KCNIP4: variants seen among roughly 807,000 people sequenced by gnomAD.
The protein encoded by KCNIP4 is potassium voltage-gated channel interacting protein 4, also known as Kv channel-interacting protein 4.
KCNIP4 carries 12 observed loss-of-function variants against 34.0 expected under a neutral mutation model. The ratio of observed to expected loss-of-function variants is 0.35; its 90% CI spans 0.23 to 0.57. The LOEUF (loss-of-function observed/expected upper bound fraction) is 0.57, where lower values mean the gene tolerates loss of function less well. Ranked by LOEUF, KCNIP4 falls within the 20% of genes least tolerant of loss-of-function variation. KCNIP4 has a pLI of 0.83. For missense variants in KCNIP4, 238 were observed against 311.7 expected, an observed-to-expected ratio of 0.76 and a Z score of 1.78; for synonymous variants, 124 against 102.2, an observed-to-expected ratio of 1.21 and a Z score of -1.29.
chr4:21,774,628 T>C (rs1450372192), intron 1 of KCNIP4, among the ~76,000 whole-genome samples: 2 of 152,212 alleles, frequency 1.3e-5, no homozygotes, highest in African/African-American at 4.8e-5. Flanking sequence ...GGAGGCTTTG[T>C]TCCTTCCTTT....
intron 1 of KCNIP4, among the ~76,000 whole-genome samples, chr4:21,319,080 G>A (rs181807089): frequency 1.3e-5 from 2 of 152,138 alleles, no homozygotes; most frequent in African/African-American, 2.4e-5. Context: ...AGAAAAATGC[G>A]CTAAAATACA....
At chr4:20,793,603 CTT>C (rs1185993596) in intron 3 of KCNIP4, among the ~76,000 whole-genome samples, 6 of 152,074 alleles carry the variant, frequency 3.9e-5, no homozygotes, top group Admixed American at 3.9e-4. Context: ...GTGGAAGACA[CTT>C]TTTCCACGGA....
intron 1 of KCNIP4, among the ~76,000 whole-genome samples, chr4:21,930,921 A>G (rs970408798): frequency 2.0e-5 from 3 of 152,140 alleles, no homozygotes; most frequent in Non-Finnish European, 2.9e-5. Flanking sequence ...TAATTCAATG[A>G]GTATTTGAGA....
chr4:21,303,183 AAC>A (rs1711945277), intron 1 of KCNIP4, among the ~76,000 whole-genome samples: 1 of 152,230 alleles, frequency 6.6e-6, no homozygotes, highest in African/African-American at 2.4e-5. Flanking sequence ...GCCTCTAATG[AAC>A]ATAAACAGCA....
At chr4:21,602,372 T>G (rs1267550815) in intron 1 of KCNIP4, among the ~76,000 whole-genome samples, 4 of 152,118 alleles carry the variant, frequency 2.6e-5, no homozygotes, top group African/African-American at 9.7e-5. Context: ...AACACGGTTC[T>G]CCAGGGGCAG....
chr4:21,519,536 GTGTATATACACA>G (rs1560479924), intron 1 of KCNIP4, among the ~76,000 whole-genome samples: 7 of 78,668 alleles, frequency 8.9e-5, no homozygotes, highest in African/African-American at 4.4e-4. Context: ...GTATGTGTAT[GTGTATATACACA>G]TATGTGTGTA....
intron 1 of KCNIP4, among the ~76,000 whole-genome samples, chr4:21,198,015 G>A (rs1000542618): frequency 6.6e-6 from 1 of 152,138 alleles, no homozygotes; most frequent in Non-Finnish European, 1.5e-5. Context: ...TTAAAAAGAA[G>A]TGTTAACAAG....
intron 1 of KCNIP4, among the ~76,000 whole-genome samples, chr4:21,269,930 C>A (rs1164569289): frequency 6.6e-6 from 1 of 152,162 alleles, no homozygotes; most frequent in Non-Finnish European, 1.5e-5. Context: ...AAAAGAAAGA[C>A]AGTTTGGCGA....
chr4:21,027,802 TCTTATTTATGTATATTCA>T (rs1740681617), intron 1 of KCNIP4, among the ~76,000 whole-genome samples: 1 of 152,114 alleles, frequency 6.6e-6, no homozygotes, highest in African/African-American at 2.4e-5. Flanking sequence ...AGTTCTCTTC[TCTTATTTATGTATATTCA>T]CTCTTCTTTG....
chr4:21,207,491 A>C (rs1031068951), intron 1 of KCNIP4, among the ~76,000 whole-genome samples: 3 of 152,210 alleles, frequency 2.0e-5, no homozygotes, highest in Non-Finnish European at 4.4e-5. Flanking sequence ...ACACACACTT[A>C]TGTACATGTC....
intron 1 of KCNIP4, among the ~76,000 whole-genome samples, chr4:21,924,185 T>C (rs1170791347): frequency 1.3e-5 from 2 of 151,910 alleles, no homozygotes; most frequent in African/African-American, 4.8e-5. Flanking sequence ...TGAATAGTAA[T>C]ATAACCACAA....
intron 1 of KCNIP4, among the ~76,000 whole-genome samples, chr4:20,984,468 A>G (rs1173935497): frequency 6.6e-6 from 1 of 152,122 alleles, no homozygotes. Flanking sequence ...CCCTCTCTGA[A>G]TGCTAGGAAA....
intron 1 of KCNIP4, among the ~76,000 whole-genome samples, chr4:21,249,660 G>A (rs914224767): frequency 6.6e-6 from 1 of 151,980 alleles, no homozygotes; most frequent in Non-Finnish European, 1.5e-5. Context: ...CAGCAGTGGA[G>A]GAGTTTCAAA....
chr4:21,519,719 TAC>T lies in KCNIP4; in HGVS notation c.61+428850_61+428851del, dbSNP rs1197427621. On this transcript the variant is annotated intron_variant, in intron 1 of 8. Coordinates refer to ENST00000382152, the MANE Select transcript of KCNIP4 (RefSeq NM_025221.6). ...ACGTGTGTGTATGTATGTGTATATA[TAC>T]ACACGTGTGTATATGTATGATACAC... Among the ~76,000 whole-genome samples the T allele has an allele frequency of 2.3e-4, 28 of 123,872 alleles. 1 individual carries two copies. Among genetic ancestry groups the T allele is most frequent in the Admixed American group, 1.0e-3 (12 of 11,518 alleles). 81.3% of individuals were successfully genotyped at this position (123,872 alleles called of 152,430 possible). A position where few individuals can be genotyped will look rare whatever the true frequency, so the allele number is the denominator to read the frequency against.
At chr4:21,215,076 A>G (rs375031167) in intron 1 of KCNIP4, among the ~76,000 whole-genome samples, 6 of 152,272 alleles carry the variant, frequency 3.9e-5, no homozygotes, top group African/African-American at 1.4e-4. Flanking sequence ...TTGACAGCCA[A>G]TTTATCTAAT....
intron 1 of KCNIP4, among the ~76,000 whole-genome samples, chr4:21,430,367 G>T (rs543867367): frequency 1.3e-5 from 2 of 151,424 alleles, no homozygotes; most frequent in East Asian, 3.9e-4. Context: ...ATAAGGGAGG[G>T]TTTATCAGTG....
chr4:21,478,243 TAC>T (rs1391430322), intron 1 of KCNIP4, among the ~76,000 whole-genome samples: 10 of 86,528 alleles, frequency 1.2e-4, no homozygotes, highest in African/African-American at 4.8e-4. Flanking sequence ...ACTATTTATT[TAC>T]ATATTTATTT....
chr4:21,271,603 T>C (rs1346024805), intron 1 of KCNIP4, among the ~76,000 whole-genome samples: 1 of 152,108 alleles, frequency 6.6e-6, no homozygotes, highest in African/African-American at 2.4e-5. Context: ...GGACTGCCTG[T>C]CACAGGGTAG....
Position 20,798,524 on chromosome 4 carries a change from T to TAC in KCNIP4, c.289-39636_289-39635dup, listed in dbSNP as rs552287842. 5.2e-3 allele frequency among the ~76,000 whole-genome samples: 661 copies of TAC among 126,830 alleles called. 6 individuals are homozygous for TAC. Among genetic ancestry groups the TAC allele is most frequent in the Non-Finnish European group, 8.0e-3 (453 of 56,718 alleles). 83.2% of individuals were successfully genotyped at this position (126,830 alleles called of 152,430 possible). A position where few individuals can be genotyped will look rare whatever the true frequency, so the allele number is the denominator to read the frequency against. On this transcript the variant is annotated intron_variant, in intron 3 of 8. Coordinates refer to ENST00000382152, the MANE Select transcript of KCNIP4 (RefSeq NM_025221.6). The stretch of plus-strand genomic sequence containing the variant: ...ACACACACACACACAGACACACACA[T>TAC]ACACACACACACACAGACACACAAA...
Sources: gnomAD v4.1 joint callset for allele counts (sites outside exome capture counted in the v4.1 genomes callset) on GRCh38, gnomAD v4.1.1 for gene constraint, MANE v1.5 for transcripts, NCBI Gene and HGNC (gene_info 2026-07-23, HGNC 2026-07-21) for gene names.